UTP4: variants seen among roughly 807,000 people sequenced by gnomAD.
The protein encoded by UTP4 is UTP4 small subunit processome component, also known as U3 small nucleolar RNA-associated protein 4 homolog.
In UTP4, 45 loss-of-function variants were observed where a neutral mutation model predicts 82.4. The ratio of observed to expected loss-of-function variants is 0.55; its 90% confidence interval spans 0.43 to 0.70. The LOEUF (loss-of-function observed/expected upper bound fraction) is 0.70. Ranked by LOEUF, UTP4 falls within the 30% of genes least tolerant of loss-of-function variation. UTP4 has a pLI of 0.00. For missense variants in UTP4, 819 were observed against 858.3 expected (o/e 0.95, Z 0.57); for synonymous variants, 348 against 300.3 (o/e 1.16, Z -1.64).
intron 11 of UTP4, among the ~76,000 whole-genome samples, chr16:69,156,655 C>T (rs1370025395): frequency 6.6e-6 from 1 of 152,074 alleles, no homozygotes; most frequent in Admixed American, 6.5e-5. Flanking sequence ...GATGGGGTTT[C>T]ACCACGTTGG....
chr16:69,162,319 T>A (rs1053547473), intron 13 of UTP4, among the ~76,000 whole-genome samples: 1 of 151,844 alleles, frequency 6.6e-6, no homozygotes, highest in South Asian at 2.1e-4. Context: ...GGCTTACGCC[T>A]GTAATCCCAG....
chr16:69,164,597 T>TAC lies in UTP4; in HGVS notation c.1648-743_1648-742insCA, dbSNP rs904473942. 1.3e-4 allele frequency among the ~76,000 whole-genome samples: 17 copies of TAC among 130,924 alleles called. No homozygotes were observed. In the East Asian group the frequency reaches 2.6e-3, roughly 20 times the overall value. 85.9% of individuals were successfully genotyped at this position (130,924 alleles called of 152,430 possible). On this transcript the variant is annotated intron_variant, in intron 14 of 16. Transcript: ENST00000314423. ...GTTCTAATCATTCTTTATATATATA[T>TAC]ATATATATATATATATATGTATATA...
chr16:69,137,915 T>C (rs1458456045), intron 4 of UTP4, 30 bp downstream of exon 4: 2 of 1,325,258 alleles, frequency 1.5e-6, no homozygotes, highest in Non-Finnish European at 2.2e-6. Flanking sequence ...GGGCGGTAAA[T>C]AGCCTTAACA....
intron 6 of UTP4, among the ~76,000 whole-genome samples, chr16:69,148,356 C>G (rs368427055): frequency 1.6e-4 from 24 of 152,130 alleles, no homozygotes; most frequent in African/African-American, 5.5e-4. Context: ...CTCGGCTTCC[C>G]AAAGTGTTGG....
At chr16:69,165,850 C>T (rs1342117221) in intron 15 of UTP4, 1 of 453,222 alleles carries the variant, frequency 2.2e-6, no homozygotes, top group Non-Finnish European at 4.1e-6. Flanking sequence ...CGGAAGGTGA[C>T]CCTCATCCGG....
intron 8 of UTP4, among the ~76,000 whole-genome samples, chr16:69,152,614 C>A (rs1484257472): frequency 1.3e-5 from 2 of 151,592 alleles, no homozygotes; most frequent in African/African-American, 2.4e-5. Context: ...GGATTACAGG[C>A]ACCCGCCACC....
intron 8 of UTP4, among the ~76,000 whole-genome samples, chr16:69,152,297 T>G (rs1963292798): frequency 6.6e-6 from 1 of 151,686 alleles, no homozygotes; most frequent in South Asian, 2.1e-4. Context: ...TTTGTTTTTG[T>G]TTTTTTGAGA....
Position 69,153,643 on chromosome 16 carries a change from C to T in UTP4, c.1062C>T (p.His354=), listed in dbSNP as rs1292346909. The change falls in exon 9 of 17, where the codon CAC becomes CAT. Residue 354 remains histidine, a synonymous_variant. Coordinates refer to ENST00000314423, the MANE Select transcript of UTP4 (RefSeq NM_032830.3). The part of the protein sequence containing the change: ...RQLLLFQFAH[H]LELWRLGSTV... Reference sequence around the variant, plus strand: ...TTCTCCTCTTCCAGTTTGCTCATCACTTAGAACTTTGGCGACTGGGATCCA... The same window carrying T: ...TTCTCCTCTTCCAGTTTGCTCATCATTTAGAACTTTGGCGACTGGGATCCA... The T allele has an allele frequency of 6.2e-7, 1 of 1,613,474 alleles. No homozygotes were observed. The highest frequency in any genetic ancestry group is 2.2e-5 in the East Asian group (1 of 44,884).
intron 2 of UTP4, 78 bp from the exon 3 acceptor site, chr16:69,136,618 A>G: frequency 7.1e-7 from 1 of 1,416,794 alleles, no homozygotes; most frequent in Non-Finnish European, 1.0e-6. Context: ...AGTTGTTTTT[A>G]CCATGTTGCC....
chr16:69,151,289 G>A (rs1256951406), intron 8 of UTP4, among the ~76,000 whole-genome samples: 1 of 150,560 alleles, frequency 6.6e-6, no homozygotes, highest in Non-Finnish European at 1.5e-5. Context: ...TTACAAGTGT[G>A]AGCCACCACG....
Position 69,157,081 on chromosome 16 carries a change from A to G in UTP4, c.1288-3A>G, listed in dbSNP as rs943688274. 1.9e-6 allele frequency: 3 copies of G among 1,614,200 alleles called. No homozygotes were observed. The highest frequency in any genetic ancestry group is 2.5e-6 in the Non-Finnish European group (3 of 1,180,028). On this transcript the variant is annotated splice_region_variant and splice_polypyrimidine_tract_variant and intron_variant, in intron 11 of 16. Transcript: ENST00000314423. ...CTGGCTTTTATTATTGGTTCACCCA[A>G]AGGTTTCCAAAATGCCAGCATTCCT...
rs2152281166 is a variant in UTP4, at chr16:69,153,674, G to C, written c.1093G>C (p.Ala365Pro). ...LELWRLGSTVATGKNGDTLPL... is the reference protein window; with the variant it reads ...LELWRLGSTVPTGKNGDTLPL... ...ACTTTGGCGACTGGGATCCACAGTTGCAACAGGTAAGATGGGAGCACGTTT... is the reference window on the plus strand; with the variant it reads ...ACTTTGGCGACTGGGATCCACAGTTCCAACAGGTAAGATGGGAGCACGTTT... Residue 365 changes from alanine to proline, a missense_variant, in exon 9 of 17, where the codon GCA becomes CCA. Physicochemically the swap from Ala to Pro is conservative, Grantham distance 27. Transcript: ENST00000314423. The C allele has an allele frequency of 1.2e-6, 2 of 1,610,020 alleles. No homozygotes were observed. Among genetic ancestry groups the C allele is most frequent in the Middle Eastern group, 1.7e-4 (1 of 6,058 alleles).
At chr16:69,149,972 C>T (rs1438926787) in intron 6 of UTP4, among the ~76,000 whole-genome samples, 3 of 152,280 alleles carry the variant, frequency 2.0e-5, no homozygotes, top group East Asian at 1.9e-4. Flanking sequence ...AAGTGATCCA[C>T]CCAGCTCAGC....
At chr16:69,135,671 G>T (rs1032602270) in intron 2 of UTP4, among the ~76,000 whole-genome samples, 1 of 152,112 alleles carries the variant, frequency 6.6e-6, no homozygotes, top group African/African-American at 2.4e-5. Flanking sequence ...AGCCAAGATC[G>T]TGCCACTGCA....
rs747184671 is a variant in UTP4, at chr16:69,150,594, G to C, written c.796G>C (p.Val266Leu). Reference sequence around the variant, plus strand: ...GGGAACAGTCTTCCATTTTCAGCTGGTCCCTGTGACATCTAACAGCAGTGA... The same window carrying C: ...GGGAACAGTCTTCCATTTTCAGCTGCTCCCTGTGACATCTAACAGCAGTGA... ...AEGTVFHFQL[V>L]PVTSNSSEKQ... The change falls in exon 7 of 17, where the codon GTC becomes CTC. Residue 266 changes from valine to leucine, a missense_variant. Val to Leu is a conservative substitution (Grantham distance 32, BLOSUM62 1). Coordinates refer to ENST00000314423, the MANE Select transcript of UTP4 (RefSeq NM_032830.3). 6.2e-7 allele frequency: 1 copy of C among 1,614,176 alleles called. No homozygotes were observed. The highest frequency in any genetic ancestry group is 2.2e-5 in the East Asian group (1 of 44,880).
chr16:69,152,147 C>A (rs1461755138), intron 8 of UTP4, among the ~76,000 whole-genome samples: 1 of 151,792 alleles, frequency 6.6e-6, no homozygotes, highest in Non-Finnish European at 1.5e-5. Context: ...ATTCATTTCT[C>A]TTTGTCTACG....
intron 3 of UTP4, 132 bp from the exon 4 acceptor site, chr16:69,137,669 T>C (rs1962844809): frequency 6.1e-6 from 4 of 658,114 alleles, no homozygotes; most frequent in African/African-American, 3.7e-5. Flanking sequence ...ATTTTTCTTT[T>C]TCACGGCAAC....
chr16:69,165,247 G>C, intron 14 of UTP4, 94 bp from the exon 15 acceptor site: 2 of 1,095,986 alleles, frequency 1.8e-6, no homozygotes, highest in Non-Finnish European at 2.8e-6. Flanking sequence ...TACAGTTGAA[G>C]CTTTGTATAG....
chr16:69,135,053 G>T (rs141738504), intron 2 of UTP4, among the ~76,000 whole-genome samples: 5 of 147,880 alleles, frequency 3.4e-5, no homozygotes, highest in African/African-American at 1.2e-4. Context: ...GCCATATTAT[G>T]ATTTTTCTGT....
Sources: allele counts gnomAD v4.1 joint callset (sites outside exome capture counted in the v4.1 genomes callset), GRCh38; gene constraint gnomAD v4.1.1; transcripts MANE v1.5; gene names NCBI Gene and HGNC (gene_info 2026-07-23, HGNC 2026-07-21).